The following GTF2A1 variants were observed in gnomAD, a reference collection of about 807,000 sequenced individuals.
GTF2A1 encodes transcription initiation factor IIA subunit 1.
Under a neutral mutation model 54.1 loss-of-function variants are expected in GTF2A1, and 12 were observed. The observed-to-expected ratio is 0.22, with a 90% CI of 0.14 to 0.36. The LOEUF (loss-of-function observed/expected upper bound fraction) is 0.36. GTF2A1 is among the 10% of genes least tolerant of loss of function. The probability of loss-of-function intolerance (pLI) is 1.00; values close to 1 mark genes in which losing one functional copy is unlikely to be tolerated. For missense variants in GTF2A1, 335 were observed against 442.2 expected, an observed-to-expected ratio of 0.76 and a Z score of 2.17; for synonymous variants, 145 against 152.0, an observed-to-expected ratio of 0.95 and a Z score of 0.34.
At chr14:81,185,667 T>C (rs772571454) in intron 7 of GTF2A1, 47 bp from the exon 8 acceptor site, 7 of 1,003,304 alleles carry the variant, frequency 7.0e-6, no homozygotes, top group Admixed American at 2.0e-5. Context: ...GGCCTTAATA[T>C]TCACTGAAAA....
intron 1 of GTF2A1, among the ~76,000 whole-genome samples, chr14:81,219,315 C>T (rs1893555961): frequency 6.6e-6 from 1 of 152,216 alleles, no homozygotes; most frequent in Non-Finnish European, 1.5e-5. Context: ...ACACGCCTGG[C>T]TCTTGCCTCG....
At chr14:81,219,311 C>A (rs1166049146) in intron 1 of GTF2A1, among the ~76,000 whole-genome samples, 1 of 152,192 alleles carries the variant, frequency 6.6e-6, no homozygotes, top group South Asian at 2.1e-4. Flanking sequence ...CTGCACACGC[C>A]TGGCTCTTGC....
At chr14:81,185,650 A>G (rs1364920208) in intron 7 of GTF2A1, 30 bp from the exon 8 acceptor site, 20 of 1,199,604 alleles carry the variant, frequency 1.7e-5, no homozygotes, top group East Asian at 4.7e-5. Context: ...TCTTATTACT[A>G]TAAGAAGGCC....
intron 2 of GTF2A1, among the ~76,000 whole-genome samples, chr14:81,208,547 G>C (rs1398915039): frequency 6.6e-6 from 1 of 152,220 alleles, no homozygotes; most frequent in Non-Finnish European, 1.5e-5. Flanking sequence ...CAGTGGAGCT[G>C]TGAGAAGAGG....
chr14:81,207,392 A>T lies in GTF2A1; in HGVS notation c.133-3288T>A, dbSNP rs141584642. On this transcript the variant is annotated intron_variant, in intron 2 of 8. Coordinates refer to ENST00000553612, the MANE Select transcript of GTF2A1 (RefSeq NM_015859.4). ...TCTCTTGCTGCCAACACGTAAGAAGAGCCTTTCACCTACCGCCATGATTTT... is the reference window on the plus strand; with the variant it reads ...TCTCTTGCTGCCAACACGTAAGAAGTGCCTTTCACCTACCGCCATGATTTT... Among the ~76,000 whole-genome samples, 1,192 of 152,190 alleles carry T rather than the reference A, an allele frequency of 7.8e-3. 15 individuals carry two copies. Among genetic ancestry groups the T allele is most frequent in the African/African-American group, 0.027 (1,112 of 41,488 alleles).
intron 6 of GTF2A1, among the ~76,000 whole-genome samples, chr14:81,195,443 C>A (rs1892971837): frequency 6.6e-6 from 1 of 151,418 alleles, no homozygotes; most frequent in Non-Finnish European, 1.5e-5. Flanking sequence ...ACCATCCTAG[C>A]TAACACGGTG....
At chr14:81,198,594 T>C (rs1011776954) in intron 4 of GTF2A1, among the ~76,000 whole-genome samples, 1 of 152,236 alleles carries the variant, frequency 6.6e-6, no homozygotes, top group South Asian at 2.1e-4. Context: ...CAAAGAATTA[T>C]GCCATTCTCT....
rs1374507191 is a variant in GTF2A1, at chr14:81,178,740, C to T, written c.*1483G>A. 1 of 151,982 alleles carries T rather than the reference C, an allele frequency of 6.6e-6. No homozygotes were observed. The highest frequency in any genetic ancestry group is 1.5e-5 in the Non-Finnish European group (1 of 67,976). 9.4% of individuals were successfully genotyped at this position (151,982 alleles called of 1,614,324 possible). On this transcript the variant is annotated 3_prime_UTR_variant, in exon 9 of 9. Coordinates refer to ENST00000553612, the MANE Select transcript of GTF2A1 (RefSeq NM_015859.4). ...TGAAAACACAAAGGCAAAAGGAAGA[C>T]AAAAACTGAAGATTAAAAAAATATA...
Position 81,213,824 on chromosome 14 carries a change from G to A in GTF2A1, c.132+2589C>T, listed in dbSNP as rs1595230934. ...CTATATATTTTTCCTACCTCACACA[G>A]GAAATATTTTTGGGTTTTTCTGTTT... On this transcript the variant is annotated intron_variant, in intron 2 of 8. Transcript: ENST00000553612. 2.0e-5 allele frequency among the ~76,000 whole-genome samples: 3 copies of A among 151,354 alleles called. No individual in the cohort carries two copies. In the South Asian group the frequency reaches 6.2e-4, roughly 32 times the overall value.
Position 81,179,197 on chromosome 14 carries a change from A to G in GTF2A1, c.*1026T>C, listed in dbSNP as rs919444035. ...TTTTTAAAATTCTTTACTAGTAAAC[A>G]CAAGAAACTTTTATAATTACTAAAC... On this transcript the variant is annotated 3_prime_UTR_variant, in exon 9 of 9. Coordinates refer to ENST00000553612, the MANE Select transcript of GTF2A1 (RefSeq NM_015859.4). 1 of 152,218 alleles carries G rather than the reference A, an allele frequency of 6.6e-6. No homozygotes were observed. The highest frequency in any genetic ancestry group is 1.5e-5 in the Non-Finnish European group (1 of 68,036). 9.4% of individuals were successfully genotyped at this position (152,218 alleles called of 1,614,324 possible).
chr14:81,190,041 A>C (rs1892840883), intron 7 of GTF2A1, among the ~76,000 whole-genome samples: 5 of 152,102 alleles, frequency 3.3e-5, no homozygotes, highest in Non-Finnish European at 7.4e-5. Flanking sequence ...TATATTAGGA[A>C]TGAAGATGAC....
intron 7 of GTF2A1, among the ~76,000 whole-genome samples, chr14:81,189,741 C>A (rs1892833013): frequency 6.6e-6 from 1 of 151,976 alleles, no homozygotes; most frequent in Non-Finnish European, 1.5e-5. Context: ...AACCTACTGA[C>A]AATATAAATC....
At chr14:81,216,544 A>C (rs752415514) in intron 1 of GTF2A1, 30 bp from the exon 2 acceptor site, 1 of 1,032,262 alleles carries the variant, frequency 9.7e-7, no homozygotes, top group South Asian at 1.4e-5. Flanking sequence ...GACTTGAAAA[A>C]GACAGTTTTT....
intron 2 of GTF2A1, among the ~76,000 whole-genome samples, chr14:81,209,057 G>A (rs1050404825): frequency 6.6e-6 from 1 of 152,166 alleles, no homozygotes; most frequent in Non-Finnish European, 1.5e-5. Context: ...GGGAAGGTAC[G>A]ATTGGTTTTG....
At chr14:81,211,463 T>C (rs1362882243) in intron 2 of GTF2A1, among the ~76,000 whole-genome samples, 1 of 152,202 alleles carries the variant, frequency 6.6e-6, no homozygotes, top group Non-Finnish European at 1.5e-5. Flanking sequence ...TACCATTTAT[T>C]AGCTAAACGA....
intron 2 of GTF2A1, among the ~76,000 whole-genome samples, chr14:81,207,745 G>A (rs938336040): frequency 6.6e-6 from 1 of 152,216 alleles, no homozygotes; most frequent in African/African-American, 2.4e-5. Context: ...GGTCTCAGAT[G>A]GCGATGAGGA....
intron 2 of GTF2A1, among the ~76,000 whole-genome samples, chr14:81,205,836 T>C (rs1042620860): frequency 6.6e-6 from 1 of 152,214 alleles, no homozygotes; most frequent in African/African-American, 2.4e-5. Flanking sequence ...GTCTGATTCA[T>C]CTCTGTAAAG....
chr14:81,217,900 G>A (rs1041613803), intron 1 of GTF2A1, among the ~76,000 whole-genome samples: 2 of 152,170 alleles, frequency 1.3e-5, no homozygotes, highest in African/African-American at 2.4e-5. Context: ...CTGGGTTCTT[G>A]CTTTACTGTT....
intron 8 of GTF2A1, among the ~76,000 whole-genome samples, chr14:81,180,917 T>G (rs1463626172): frequency 6.6e-6 from 1 of 152,248 alleles, no homozygotes; most frequent in Admixed American, 6.5e-5. Flanking sequence ...TCATTGACAT[T>G]TCTTACATTA....
Sources: allele counts gnomAD v4.1 joint callset (sites outside exome capture counted in the v4.1 genomes callset), GRCh38; gene constraint gnomAD v4.1.1; transcripts MANE v1.5; gene names NCBI Gene and HGNC (gene_info 2026-07-23, HGNC 2026-07-21).